Variants in ARHGAP32 observed in about 807,000 individuals in gnomAD.
ARHGAP32 encodes the protein Rho GTPase activating protein 32.
Under a neutral mutation model 186.5 loss-of-function variants are expected in ARHGAP32, and 51 were observed. That is an observed-to-expected ratio of 0.27 (90% CI 0.22 to 0.35). The LOEUF is 0.35. Among genes scored for constraint, ARHGAP32 ranks in the 10% least tolerant of loss-of-function variants. The pLI is 1.00. For missense variants in ARHGAP32, 2,186 were observed against 2,623.5 expected (o/e 0.83, Z 3.64); for synonymous variants, 950 against 964.3 (o/e 0.99, Z 0.27).
At chr11:129,278,898 G>A (rs1000466928) in intron 1 of ARHGAP32, among the ~76,000 whole-genome samples, 2 of 149,418 alleles carry the variant, frequency 1.3e-5, no homozygotes, top group African/African-American at 2.4e-5. Context: ...CCCGGCTCGC[G>A]GAGGCCGCGG....
intron 5 of ARHGAP32, 55 bp from the exon 6 acceptor site, chr11:129,093,762 G>C: frequency 3.2e-6 from 4 of 1,233,888 alleles, no homozygotes; most frequent in Middle Eastern, 1.8e-4. Context: ...TAGTAAACGA[G>C]AATAAACTAA....
intron 1 of ARHGAP32, among the ~76,000 whole-genome samples, chr11:129,277,141 A>G (rs1454002249): frequency 6.6e-6 from 1 of 152,250 alleles, no homozygotes; most frequent in African/African-American, 2.4e-5. Flanking sequence ...CAGTGTGCAG[A>G]TAATATACTC....
rs1009134141 is a variant in ARHGAP32 at position 129,060,808 on chromosome 11, TTA to T, written c.963+1470_963+1471del. ...AAATTTAAAAATCAACACTTATTGA[TTA>T]AAAAAAAATTATACATCAGACCTGG... On this transcript the variant is annotated intron_variant, in intron 10 of 22. Transcript: ENST00000682385. Among the ~76,000 whole-genome samples, 615 of 64,696 alleles carry T rather than the reference TTA, an allele frequency of 9.5e-3. 4 individuals carry two copies. The highest frequency in any genetic ancestry group is 0.019 in the African/African-American group (401 of 20,868). The allele number at this position is 64,696 out of a possible 152,430, so 42.4% of individuals were successfully genotyped here.
chr11:129,112,241 A>T (rs1386704535), intron 5 of ARHGAP32, among the ~76,000 whole-genome samples: 1 of 151,954 alleles, frequency 6.6e-6, no homozygotes, highest in African/African-American at 2.4e-5. Flanking sequence ...AGACTCAAAA[A>T]AAAAAAAAAT....
rs374481412 is a variant in ARHGAP32 at position 129,031,697 on chromosome 11, C to T, written c.1045+9231G>A. ...GAAGAGGGTGGTCCCTGGCAAGGGC[C>T]ACACTCTCAAGCCTGGACCTATGAC... On this transcript the variant is annotated intron_variant, in intron 11 of 22. Coordinates refer to ENST00000682385, the MANE Select transcript of ARHGAP32 (RefSeq NM_001378024.1). 3.2e-3 allele frequency among the ~76,000 whole-genome samples: 485 copies of T among 152,268 alleles called. 7 individuals carry two copies. In the South Asian group the frequency reaches 0.044, roughly 14 times the overall value.
chr11:129,086,714 A>T (rs674773), intron 6 of ARHGAP32, among the ~76,000 whole-genome samples: 1 of 151,218 alleles, frequency 6.6e-6, no homozygotes, highest in African/African-American at 2.4e-5. Flanking sequence ...CCAGCTACTC[A>T]GAAGGCTGAG....
At chr11:129,141,002 A>G (rs1246000444) in intron 2 of ARHGAP32, among the ~76,000 whole-genome samples, 7 of 152,146 alleles carry the variant, frequency 4.6e-5, no homozygotes, top group African/African-American at 1.7e-4. Flanking sequence ...GAAACTGCCA[A>G]TTCCTTTACC....
At chr11:129,262,286 C>A (rs1945331354) in intron 1 of ARHGAP32, among the ~76,000 whole-genome samples, 1 of 151,962 alleles carries the variant, frequency 6.6e-6, no homozygotes, top group Admixed American at 6.6e-5. Context: ...TTATTCCCCA[C>A]AAAACCACTT....
At chr11:129,247,527 C>A (rs939711720) in intron 1 of ARHGAP32, among the ~76,000 whole-genome samples, 3 of 152,106 alleles carry the variant, frequency 2.0e-5, no homozygotes, top group Non-Finnish European at 4.4e-5. Context: ...ATTAATCTGC[C>A]TTCAAAGAAA....
chr11:129,223,554 T>C (rs1944740160), intron 1 of ARHGAP32, among the ~76,000 whole-genome samples: 1 of 152,172 alleles, frequency 6.6e-6, no homozygotes, highest in Admixed American at 6.6e-5. Flanking sequence ...AATCTTGGCA[T>C]AGTTTAGGAG....
At position 128,974,857 on chromosome 11, in the gene ARHGAP32, C is replaced by A. The variant is rs768240947; in HGVS notation, c.2340G>T (p.Leu780=). ...GAGACATAAGGGCTGGGATATGAAG[C>A]AGCCCTCCTTCCTCCTCACTCTCAT... ...HDNESEEEGG[L]LHIPALMSPH... is the part of the protein sequence containing the mutation. Residue 780 remains leucine (L), a synonymous_variant, in exon 21 of 23, where the codon CTG becomes CTT. Transcript: ENST00000682385. 6.2e-6 allele frequency: 10 copies of A among 1,614,162 alleles called. No homozygotes were observed. In the Admixed American group the frequency reaches 1.7e-4, roughly 27 times the overall value.
At chr11:128,999,743 C>T (rs567459864) in intron 11 of ARHGAP32, among the ~76,000 whole-genome samples, 5 of 152,248 alleles carry the variant, frequency 3.3e-5, no homozygotes, top group South Asian at 2.1e-4. Flanking sequence ...CTGGTTCCCC[C>T]GATATCTTCT....
chr11:129,268,186 A>G (rs976621871), intron 1 of ARHGAP32, among the ~76,000 whole-genome samples: 1 of 152,184 alleles, frequency 6.6e-6, no homozygotes, highest in African/African-American at 2.4e-5. Flanking sequence ...TATGAGGAAT[A>G]GTTGAAGAAA....
At chr11:129,066,037 A>G (rs929746212) in intron 7 of ARHGAP32, among the ~76,000 whole-genome samples, 2 of 152,146 alleles carry the variant, frequency 1.3e-5, no homozygotes, top group African/African-American at 4.8e-5. Flanking sequence ...GTTTATTTAA[A>G]TCCATTTCAT....
At chr11:129,039,539 A>G (rs766555901) in intron 11 of ARHGAP32, among the ~76,000 whole-genome samples, 1 of 152,156 alleles carries the variant, frequency 6.6e-6, no homozygotes, top group Non-Finnish European at 1.5e-5. Flanking sequence ...TAAAGACAGA[A>G]AGTAGACAAG....
intron 1 of ARHGAP32, among the ~76,000 whole-genome samples, chr11:129,197,953 T>C (rs931240599): frequency 6.6e-6 from 1 of 152,170 alleles, no homozygotes; most frequent in Non-Finnish European, 1.5e-5. Context: ...ACAATTCTTA[T>C]GCATACTATG....
At chr11:129,233,102 T>C (rs1944880616) in intron 1 of ARHGAP32, among the ~76,000 whole-genome samples, 1 of 152,108 alleles carries the variant, frequency 6.6e-6, no homozygotes, top group African/African-American at 2.4e-5. Flanking sequence ...TATTGGAGTA[T>C]AATATTATAC....
chr11:129,218,573 T>C (rs550214341), intron 1 of ARHGAP32, among the ~76,000 whole-genome samples: 5 of 151,964 alleles, frequency 3.3e-5, no homozygotes, highest in African/African-American at 9.7e-5. Context: ...TTAATATAAA[T>C]GGCAATGTCA....
intron 5 of ARHGAP32, among the ~76,000 whole-genome samples, chr11:129,115,020 G>C (rs1419516921): frequency 1.3e-5 from 2 of 152,036 alleles, no homozygotes; most frequent in African/African-American, 4.8e-5. Context: ...AATGGAACAC[G>C]GAAAGAGTTC....
Sources: allele counts gnomAD v4.1 joint callset (sites outside exome capture counted in the v4.1 genomes callset), GRCh38; gene constraint gnomAD v4.1.1; transcripts MANE v1.5; gene names NCBI Gene and HGNC (gene_info 2026-07-23, HGNC 2026-07-21).